Variants in ICMT observed in about 807,000 individuals in gnomAD.
ICMT encodes the protein protein-S-isoprenylcysteine O-methyltransferase.
In ICMT, 10 loss-of-function variants were observed where a neutral mutation model predicts 32.2. The ratio of observed to expected loss-of-function variants is 0.31; its 90% CI spans 0.19 to 0.53. The LOEUF (loss-of-function observed/expected upper bound fraction) is 0.53. Among genes scored for constraint, ICMT ranks in the 20% least tolerant of loss-of-function variants. ICMT has a pLI of 0.96. For synonymous variants in ICMT, 183 were observed against 158.2 expected (o/e 1.16, Z -1.18); for missense variants, 265 against 356.9 (o/e 0.74, Z 2.07).
Position 6,223,715 on chromosome 1 carries a change from G to C in ICMT, c.*1365C>G, listed in dbSNP as rs922519286. 1 of 152,238 alleles carries C rather than the reference G, an allele frequency of 6.6e-6. No homozygotes were observed. The highest frequency in any genetic ancestry group is 1.5e-5 in the Non-Finnish European group (1 of 68,058). The allele number at this position is 152,238 out of a possible 1,614,324, so 9.4% of individuals were successfully genotyped here. On this transcript the variant is annotated 3_prime_UTR_variant, in exon 5 of 5. Coordinates refer to ENST00000343813, the MANE Select transcript of ICMT (RefSeq NM_012405.4). ...TAGGTGGTATTGACCCCATTCCACAGATGGGGAGGTCTAGGCACGGAAAGG... is the reference window on the plus strand; with the variant it reads ...TAGGTGGTATTGACCCCATTCCACACATGGGGAGGTCTAGGCACGGAAAGG...
At position 6,223,073 on chromosome 1, in the gene ICMT, G is replaced by A. The variant is rs1257150185; in HGVS notation, c.*2007C>T. The A allele has an allele frequency of 6.6e-6, 1 of 152,228 alleles. No homozygotes were observed. The highest frequency in any genetic ancestry group is 1.9e-4 in the East Asian group (1 of 5,196). The allele number at this position is 152,228 out of a possible 1,614,324, so 9.4% of individuals were successfully genotyped here. A position where few individuals can be genotyped will look rare whatever the true frequency, so the allele number is the denominator to read the frequency against. ...TAGAGTCCCACTGCACGCGTGTCGTGAGGGCCGATGGGCAAGTCCGTCCGG... is the reference window on the plus strand; with the variant it reads ...TAGAGTCCCACTGCACGCGTGTCGTAAGGGCCGATGGGCAAGTCCGTCCGG... On this transcript the variant is annotated 3_prime_UTR_variant, in exon 5 of 5. Transcript: ENST00000343813.
Position 6,224,535 on chromosome 1 carries a change from G to A in ICMT, c.*545C>T, listed in dbSNP as rs1668610393. On this transcript the variant is annotated 3_prime_UTR_variant, in exon 5 of 5. Coordinates refer to ENST00000343813, the MANE Select transcript of ICMT (RefSeq NM_012405.4). ...TGTAGCTATGATTAAATAGATGAAG[G>A]GCCAAAGCATCCTATGAGGAAGTAT... The A allele has an allele frequency of 6.6e-6, 1 of 152,446 alleles. No homozygotes were observed. Among genetic ancestry groups the A allele is most frequent in the Admixed American group, 6.5e-5 (1 of 15,270 alleles). 9.4% of individuals were successfully genotyped at this position (152,446 alleles called of 1,614,324 possible).
At chr1:6,227,318 C>T (rs552500481) in intron 4 of ICMT, among the ~76,000 whole-genome samples, 245 of 152,288 alleles carry the variant, frequency 1.6e-3, no homozygotes, top group Non-Finnish European at 3.0e-3. Context: ...GTTAATGTGG[C>T]GGTTTTACAT....
At chr1:6,226,132 T>A (rs1216373976) in intron 4 of ICMT, among the ~76,000 whole-genome samples, 1 of 152,160 alleles carries the variant, frequency 6.6e-6, no homozygotes, top group African/African-American at 2.4e-5. Flanking sequence ...CGGTGGCTCA[T>A]GTCTGTTAAT....
intron 4 of ICMT, among the ~76,000 whole-genome samples, chr1:6,226,447 G>A (rs141656577): frequency 6.6e-6 from 1 of 152,132 alleles, no homozygotes; most frequent in African/African-American, 2.4e-5. Flanking sequence ...AGTCCTTCAA[G>A]GCCAAAAGCA....
intron 4 of ICMT, among the ~76,000 whole-genome samples, chr1:6,229,783 TACACACACACACACACACACACACACAC>T (rs34741419): frequency 2.7e-5 from 4 of 146,592 alleles, no homozygotes; most frequent in Non-Finnish European, 4.5e-5. Flanking sequence ...ATAAAAAAAA[TACACACACACACACACACACACACACAC>T]ACACACACAC....
At chr1:6,228,348 CTT>C (rs778804066) in intron 4 of ICMT, among the ~76,000 whole-genome samples, 6 of 143,938 alleles carry the variant, frequency 4.2e-5, no homozygotes, top group African/African-American at 5.1e-5. Context: ...GTTTCTTTTT[CTT>C]TTTTTTTTTT....
chr1:6,222,369 G>C lies in ICMT; in HGVS notation c.*2711C>G, dbSNP rs1284685079. ...ACCCGGGAGGCAGAGGTTGCGGTGA[G>C]CCGAAATGGTGCCACTGCACTCCAG... On this transcript the variant is annotated 3_prime_UTR_variant, in exon 5 of 5. Transcript: ENST00000343813. 1.3e-5 allele frequency: 2 copies of C among 152,498 alleles called. No individual in the cohort carries two copies. Among genetic ancestry groups the C allele is most frequent in the Non-Finnish European group, 2.9e-5 (2 of 68,268 alleles). The allele number at this position is 152,498 out of a possible 1,614,324, so 9.4% of individuals were successfully genotyped here. A position where few individuals can be genotyped will look rare whatever the true frequency, so the allele number is the denominator to read the frequency against.
At chr1:6,229,479 A>C (rs1668697278) in intron 4 of ICMT, among the ~76,000 whole-genome samples, 1 of 151,864 alleles carries the variant, frequency 6.6e-6, no homozygotes, top group African/African-American at 2.4e-5. Context: ...ACTCCATCTC[A>C]AAAAAATAAA....
chr1:6,230,436 A>C (rs1369175640), intron 4 of ICMT, among the ~76,000 whole-genome samples: 4 of 152,136 alleles, frequency 2.6e-5, no homozygotes, highest in Admixed American at 6.6e-5. Context: ...TTTAAAAATT[A>C]GCCGGACGTG....
chr1:6,226,372 C>T (rs959107371), intron 4 of ICMT, among the ~76,000 whole-genome samples: 1 of 152,046 alleles, frequency 6.6e-6, no homozygotes, highest in South Asian at 2.1e-4. Context: ...CCAGCCTGGG[C>T]GACAGAGCGA....
At chr1:6,231,244 C>G (rs1275607730) in intron 4 of ICMT, among the ~76,000 whole-genome samples, 1 of 152,018 alleles carries the variant, frequency 6.6e-6, no homozygotes, top group Non-Finnish European at 1.5e-5. Context: ...CAGAACAAAC[C>G]TCCATGGCTC....
At position 6,235,835 on chromosome 1, in the gene ICMT, G is replaced by T; in HGVS notation, c.77C>A (p.Ser26Ter). Residue 26 changes from serine to a stop codon, truncating the protein, a stop_gained, in exon 1 of 5, where the codon TCG (serine) becomes TAG (stop). Coordinates refer to ENST00000343813, the MANE Select transcript of ICMT (RefSeq NM_012405.4). LOFTEE classifies it high-confidence loss of function. ...CGTGAGCAGCGGCAGCGCGAGCACCGAGGCGCCCAGCAGGAAGGTGGCGAG... is the reference window on the plus strand; with the variant it reads ...CGTGAGCAGCGGCAGCGCGAGCACCTAGGCGCCCAGCAGGAAGGTGGCGAG... ...LSLATFLLGA[S>*]VLALPLLTRA... is the part of the protein sequence containing the mutation. The T allele has an allele frequency of 7.8e-7, 1 of 1,289,212 alleles. No individual in the cohort carries two copies. The highest frequency in any genetic ancestry group is 9.9e-7 in the Non-Finnish European group (1 of 1,008,702). 79.9% of individuals were successfully genotyped at this position (1,289,212 alleles called of 1,614,324 possible).
Position 6,222,637 on chromosome 1 carries a change from G to C in ICMT, c.*2443C>G, listed in dbSNP as rs570593128. 7 of 152,228 alleles carry C rather than the reference G, an allele frequency of 4.6e-5. No individual in the cohort carries two copies. The highest frequency in any genetic ancestry group is 1.0e-4 in the Non-Finnish European group (7 of 68,104). The allele number at this position is 152,228 out of a possible 1,614,324, so 9.4% of individuals were successfully genotyped here. On this transcript the variant is annotated 3_prime_UTR_variant, in exon 5 of 5. Coordinates refer to ENST00000343813, the MANE Select transcript of ICMT (RefSeq NM_012405.4). ...CCTCCTGGGCTCCTTCCAGCTGGTG[G>C]GCCTGGTGTGAAGGTGGGCTTCCTG...
chr1:6,234,813 A>C lies in ICMT; in HGVS notation c.284+73T>G, dbSNP rs1414596467. 3.6e-6 allele frequency: 4 copies of C among 1,119,986 alleles called. No individual in the cohort carries two copies. In the Admixed American group the frequency reaches 6.8e-5, roughly 19 times the overall value. 69.4% of individuals were successfully genotyped at this position (1,119,986 alleles called of 1,614,324 possible). ...GCCGGTCACAGATGAGACAGGGATG[A>C]GGAAATGCCGCTACAGACCCTCTGA... is the stretch of plus-strand genomic sequence containing the variant. On this transcript the variant is annotated intron_variant, in intron 2 of 4. Transcript: ENST00000343813.
Position 6,231,461 on chromosome 1 carries a change from C to T in ICMT, c.672+441G>A, listed in dbSNP as rs928647404. The stretch of plus-strand genomic sequence containing the variant: ...ATGGCTCATGCCTATAATGCTAGCA[C>T]TTTGCGAGGCTGAGGTGGGAGGATC... On this transcript the variant is annotated intron_variant, in intron 4 of 4. Transcript: ENST00000343813. Among the ~76,000 whole-genome samples the T allele has an allele frequency of 1.1e-4, 17 of 151,660 alleles. 1 individual carries two copies. Among genetic ancestry groups the T allele is most frequent in the South Asian group, 2.1e-4 (1 of 4,810 alleles).
At chr1:6,232,154 T>G (rs780029273) in intron 3 of ICMT, 35 bp from the exon 4 acceptor site, 3 of 1,521,644 alleles carry the variant, frequency 2.0e-6, no homozygotes, top group South Asian at 1.1e-5. Context: ...ACACGGGGAG[T>G]GAAAACACTG....
intron 4 of ICMT, among the ~76,000 whole-genome samples, chr1:6,229,846 C>T (rs1264767516): frequency 6.6e-6 from 1 of 151,896 alleles, no homozygotes; most frequent in African/African-American, 2.4e-5. Flanking sequence ...CAGTGGCTCA[C>T]ACCTATAATC....
rs1668614327 is a variant in ICMT at position 6,224,610 on chromosome 1, T to C, written c.*470A>G. On this transcript the variant is annotated 3_prime_UTR_variant, in exon 5 of 5. Coordinates refer to ENST00000343813, the MANE Select transcript of ICMT (RefSeq NM_012405.4). Reference sequence around the variant, plus strand: ...GCAGTGGGGGACAGAAATAAAGAGGTTAAAGCGGTCTGTGTTTTTCGGTTA... The same window carrying C: ...GCAGTGGGGGACAGAAATAAAGAGGCTAAAGCGGTCTGTGTTTTTCGGTTA... 6.5e-6 allele frequency: 1 copy of C among 154,742 alleles called. No individual in the cohort carries two copies. Among genetic ancestry groups the C allele is most frequent in the African/African-American group, 2.4e-5 (1 of 41,484 alleles). The allele number at this position is 154,742 out of a possible 1,614,324, so 9.6% of individuals were successfully genotyped here.
Sources: gnomAD v4.1 joint callset for allele counts (sites outside exome capture counted in the v4.1 genomes callset) on GRCh38, gnomAD v4.1.1 for gene constraint, MANE v1.5 for transcripts, NCBI Gene and HGNC (gene_info 2026-07-23, HGNC 2026-07-21) for gene names.